The following CACNB3 variants were observed in gnomAD, a reference collection of about 807,000 sequenced individuals.
CACNB3 encodes the protein voltage-dependent L-type calcium channel subunit beta-3.
Under a neutral mutation model 63.7 loss-of-function variants are expected in CACNB3, and 36 were observed. That is an observed-to-expected ratio of 0.57 (90% CI 0.43 to 0.75). The LOEUF (loss-of-function observed/expected upper bound fraction) is 0.75, where lower values mean the gene tolerates loss of function less well. CACNB3 is among the 30% of genes least tolerant of loss of function. CACNB3 has a pLI of 0.00. For synonymous variants in CACNB3, 241 were observed against 250.6 expected (o/e 0.96, Z 0.36); for missense variants, 493 against 648.6 (o/e 0.76, Z 2.61).
chr12:48,818,722 G>A lies in CACNB3; in HGVS notation c.-208G>A, dbSNP rs536056569. On this transcript the variant is annotated 5_prime_UTR_variant, in exon 1 of 13. Transcript: ENST00000301050. The surrounding 1 kb of genome is among the most constrained non-coding windows in gnomAD (Gnocchi z 4.3). ...TCGGGGTGGGACCGGCTGGGTTTGG[G>A]GGGGTGGGGTGGGGGGAGCGGTGAT... 7.8e-6 allele frequency: 10 copies of A among 1,287,664 alleles called. No homozygotes were observed. Among genetic ancestry groups the A allele is most frequent in the Non-Finnish European group, 9.8e-6 (10 of 1,019,046 alleles). 79.8% of individuals were successfully genotyped at this position (1,287,664 alleles called of 1,614,324 possible). A position where few individuals can be genotyped will look rare whatever the true frequency, so the allele number is the denominator to read the frequency against.
At chr12:48,815,998 A>C (rs1942279985), upstream of CACNB3, among the ~76,000 whole-genome samples, 1 of 152,136 alleles carries the variant, frequency 6.6e-6, no homozygotes. Context: ...GATTACAAGA[A>C]GGGCTCTGCC....
In CACNB3 at chr12:48,818,929, C is replaced by G. The variant is rs776518379; in HGVS notation, c.-1C>G. On this transcript the variant is annotated 5_prime_UTR_variant, in exon 1 of 13. Coordinates refer to ENST00000301050, the MANE Select transcript of CACNB3 (RefSeq NM_000725.4). The surrounding 1 kb of genome is among the most constrained non-coding windows in gnomAD (Gnocchi z 4.3). ...CTCGCTCCCCCGACCCGGACTCCCC[C>G]ATGTATGACGACTCCTACGTGCCCG... is the stretch of plus-strand genomic sequence containing the variant. 24 of 1,594,312 alleles carry G rather than the reference C, an allele frequency of 1.5e-5. No individual in the cohort carries two copies. The African/African-American group carries it at 1.6e-4, about 11-fold the overall frequency.
chr12:48,825,346 T>C lies in CACNB3; in HGVS notation c.574-88T>C. 1.3e-6 allele frequency: 2 copies of C among 1,570,204 alleles called. No individual in the cohort carries two copies. Among genetic ancestry groups the C allele is most frequent in the Non-Finnish European group, 1.8e-6 (2 of 1,140,486 alleles). Reference sequence around the variant, plus strand: ...GTGTGTCTCCTCCGTCCAGGGTGTGTATGTGGAGCGCATTGACTCTGGGGC... The same window carrying C: ...GTGTGTCTCCTCCGTCCAGGGTGTGCATGTGGAGCGCATTGACTCTGGGGC... On this transcript the variant is annotated intron_variant, in intron 7 of 12. Transcript: ENST00000301050. This position sits in a 1 kb window ranked among gnomAD's most constrained non-coding sequence, Gnocchi z 4.5.
Position 48,826,035 on chromosome 12 carries a change from G to T in CACNB3, c.742+266G>T, listed in dbSNP as rs577015878. Reference sequence around the variant, plus strand: ...GTAGACGTGGGGTTTCACCATGTTGGCCAGGCTGGTCTCGAACTCCTGACC... The same window carrying T: ...GTAGACGTGGGGTTTCACCATGTTGTCCAGGCTGGTCTCGAACTCCTGACC... On this transcript the variant is annotated intron_variant, in intron 9 of 12. Coordinates refer to ENST00000301050, the MANE Select transcript of CACNB3 (RefSeq NM_000725.4). This position sits in a 1 kb window ranked among gnomAD's most constrained non-coding sequence, Gnocchi z 4.8. 6.6e-6 allele frequency among the ~76,000 whole-genome samples: 1 copy of T among 152,182 alleles called. No homozygotes were observed. Among genetic ancestry groups the T allele is most frequent in the East Asian group, 1.9e-4 (1 of 5,172 alleles).
At position 48,828,689 on chromosome 12, in the gene CACNB3, C is replaced by T. The variant is rs1162347775; in HGVS notation, c.*790C>T. ...CTTAGGGGGGCCTCCTTGCCTTTCT[C>T]ATTCTTTTGCCCTGCATCCTGTCAT... On this transcript the variant is annotated 3_prime_UTR_variant, in exon 13 of 13. Coordinates refer to ENST00000301050, the MANE Select transcript of CACNB3 (RefSeq NM_000725.4). The T allele has an allele frequency of 2.2e-6, 1 of 456,408 alleles. No homozygotes were observed. The highest frequency in any genetic ancestry group is 2.3e-5 in the Admixed American group (1 of 42,560). 28.3% of individuals were successfully genotyped at this position (456,408 alleles called of 1,614,324 possible). A position where few individuals can be genotyped will look rare whatever the true frequency, so the allele number is the denominator to read the frequency against.
chr12:48,827,961 GC>G lies in CACNB3; in HGVS notation c.*63del. 5.6e-6 allele frequency: 8 copies of G among 1,417,058 alleles called. No homozygotes were observed. Among genetic ancestry groups the G allele is most frequent in the Non-Finnish European group, 7.8e-6 (8 of 1,024,564 alleles). The allele number at this position is 1,417,058 out of a possible 1,614,324, so 87.8% of individuals were successfully genotyped here. On this transcript the variant is annotated 3_prime_UTR_variant, in exon 13 of 13. Transcript: ENST00000301050. ...CAGCTGGCTGGGGGGCCCACTCCAG[GC>G]AGGGTGGCGTTAGACTGGCATCAGG...
chr12:48,825,145 C>G lies in CACNB3; in HGVS notation c.493-18C>G. ...CACCAGGGCCATGGTTTCTACTGAC[C>G]TCATGTCCATTCTGCAGGCGGAACA... On this transcript the variant is annotated intron_variant, in intron 6 of 12. Coordinates refer to ENST00000301050, the MANE Select transcript of CACNB3 (RefSeq NM_000725.4). The surrounding 1 kb of genome is among the most constrained non-coding windows in gnomAD (Gnocchi z 4.5). 6.2e-7 allele frequency: 1 copy of G among 1,612,946 alleles called. No homozygotes were observed. The highest frequency in any genetic ancestry group is 1.7e-4 in the Middle Eastern group (1 of 6,060).
At chr12:48,819,282 C>G (rs1937716231) in intron 1 of CACNB3, among the ~76,000 whole-genome samples, 1 of 152,226 alleles carries the variant, frequency 6.6e-6, no homozygotes, top group East Asian at 1.9e-4. Flanking sequence ...GGCACAGAGG[C>G]TCTGGAGAGG....
chr12:48,822,169 C>T (rs1293575050), intron 1 of CACNB3, among the ~76,000 whole-genome samples: 1 of 152,210 alleles, frequency 6.6e-6, no homozygotes, highest in Non-Finnish European at 1.5e-5. Flanking sequence ...CTTATCCCTT[C>T]TCTCTGCCAC....
Position 48,825,161 on chromosome 12 carries a change from A to G in CACNB3, c.493-2A>G. 1 of 1,613,808 alleles carries G rather than the reference A, an allele frequency of 6.2e-7. No individual in the cohort carries two copies. Among genetic ancestry groups the G allele is most frequent in the Non-Finnish European group, 8.5e-7 (1 of 1,179,774 alleles). ...TCTACTGACCTCATGTCCATTCTGCAGGCGGAACATGTTCCCCCATATGAC... is the reference window on the plus strand; with the variant it reads ...TCTACTGACCTCATGTCCATTCTGCGGGCGGAACATGTTCCCCCATATGAC... On this transcript the variant is annotated splice_acceptor_variant, in intron 6 of 12. Transcript: ENST00000301050. LOFTEE classifies it high-confidence loss of function. This position sits in a 1 kb window ranked among gnomAD's most constrained non-coding sequence, Gnocchi z 4.5.
At chr12:48,819,308 G>A (rs904167237) in intron 1 of CACNB3, among the ~76,000 whole-genome samples, 2 of 152,130 alleles carry the variant, frequency 1.3e-5, no homozygotes, top group Non-Finnish European at 2.9e-5. Context: ...CGCCATGTCT[G>A]GAGTTCCAAA....
At chr12:48,815,655 CG>C, upstream of CACNB3, 1 of 1,221,464 alleles carries the variant, frequency 8.2e-7, no homozygotes, top group Non-Finnish European at 1.0e-6. Context: ...GCCCCTGGCC[CG>C]GGGGAGGGGG....
In CACNB3 at chr12:48,825,508, C is replaced by A. The variant is rs888870189; in HGVS notation, c.632+16C>A. The stretch of plus-strand genomic sequence containing the variant: ...TTGATGGCAGGTAAGCTGCCCTGGC[C>A]TGAGGTGGCCTGAGAACCAAGGAGA... On this transcript the variant is annotated intron_variant, in intron 8 of 12. Transcript: ENST00000301050. The surrounding 1 kb of genome is among the most constrained non-coding windows in gnomAD (Gnocchi z 4.5). 1 of 1,613,944 alleles carries A rather than the reference C, an allele frequency of 6.2e-7. No individual in the cohort carries two copies. The highest frequency in any genetic ancestry group is 8.5e-7 in the Non-Finnish European group (1 of 1,179,790).
At position 48,827,926 on chromosome 12, in the gene CACNB3, G is replaced by A; in HGVS notation, c.*27G>A. On this transcript the variant is annotated 3_prime_UTR_variant, in exon 13 of 13. Coordinates refer to ENST00000301050, the MANE Select transcript of CACNB3 (RefSeq NM_000725.4). The stretch of plus-strand genomic sequence containing the variant: ...AGCCTCCTGCTGCCCTACCCTGGCA[G>A]GCACAGGCGCAGCTGGCTGGGGGGC... 1 of 1,596,958 alleles carries A rather than the reference G, an allele frequency of 6.3e-7. No individual in the cohort carries two copies. Among genetic ancestry groups the A allele is most frequent in the Non-Finnish European group, 8.6e-7 (1 of 1,168,032 alleles).
At position 48,825,278 on chromosome 12, in the gene CACNB3, C is replaced by T. The variant is rs951185853; in HGVS notation, c.573+35C>T. 1 of 1,600,354 alleles carries T rather than the reference C, an allele frequency of 6.2e-7. No homozygotes were observed. Reference sequence around the variant, plus strand: ...GGTCCTTGACCCCAAAGAGTCACCTCTACCAAGCCTGCCACAGGAAGTCCC... The same window carrying T: ...GGTCCTTGACCCCAAAGAGTCACCTTTACCAAGCCTGCCACAGGAAGTCCC... On this transcript the variant is annotated intron_variant, in intron 7 of 12. Transcript: ENST00000301050. This position sits in a 1 kb window ranked among gnomAD's most constrained non-coding sequence, Gnocchi z 4.5.
In CACNB3 at chr12:48,826,335, C is replaced by G; in HGVS notation, c.743-32C>G. On this transcript the variant is annotated intron_variant, in intron 9 of 12. Coordinates refer to ENST00000301050, the MANE Select transcript of CACNB3 (RefSeq NM_000725.4). This position sits in a 1 kb window ranked among gnomAD's most constrained non-coding sequence, Gnocchi z 4.8. Reference sequence around the variant, plus strand: ...CTGGAGTGAGCAGTGGGCAGAGCTCCTGGTGAGCACTGCTGCTGCCTCCCT... The same window carrying G: ...CTGGAGTGAGCAGTGGGCAGAGCTCGTGGTGAGCACTGCTGCTGCCTCCCT... 6.2e-7 allele frequency: 1 copy of G among 1,612,124 alleles called. No individual in the cohort carries two copies. Among genetic ancestry groups the G allele is most frequent in the Non-Finnish European group, 8.5e-7 (1 of 1,178,368 alleles).
Position 48,828,237 on chromosome 12 carries a change from C to T in CACNB3, c.*338C>T, listed in dbSNP as rs1443088137. The T allele has an allele frequency of 1.0e-5, 4 of 386,338 alleles. No homozygotes were observed. Among genetic ancestry groups the T allele is most frequent in the Non-Finnish European group, 1.9e-5 (4 of 205,564 alleles). 23.9% of individuals were successfully genotyped at this position (386,338 alleles called of 1,614,324 possible). On this transcript the variant is annotated 3_prime_UTR_variant, in exon 13 of 13. Coordinates refer to ENST00000301050, the MANE Select transcript of CACNB3 (RefSeq NM_000725.4). ...CCTTAGCAGGGTCCTTCCCACCAGA[C>T]TCAGGGAAGGGATGCCCCATTAAAG...
intron 1 of CACNB3, chr12:48,819,567 C>A: frequency 2.6e-6 from 1 of 391,410 alleles, no homozygotes; most frequent in East Asian, 7.5e-5. Context: ...CCCAGTTTCT[C>A]TCCCAGGCTG....
chr12:48,819,557 C>A, intron 1 of CACNB3: 1 of 378,156 alleles, frequency 2.6e-6, no homozygotes, highest in South Asian at 1.9e-5. Flanking sequence ...CTTTCTCTAG[C>A]CCAGTTTCTC....
Sources: allele counts gnomAD v4.1 joint callset (sites outside exome capture counted in the v4.1 genomes callset), GRCh38; gene constraint gnomAD v4.1.1; non-coding constraint Gnocchi (gnomAD v3.1); transcripts MANE v1.5; gene names NCBI Gene and HGNC (gene_info 2026-07-23, HGNC 2026-07-21).